AUTS2: variants seen among roughly 807,000 people sequenced by gnomAD.
AUTS2 encodes the protein activator of transcription and developmental regulator AUTS2, also known as autism susceptibility gene 2 protein.
Under a neutral mutation model 112.4 loss-of-function variants are expected in AUTS2, and 17 were observed. The observed-to-expected ratio is 0.15, with a 90% CI of 0.10 to 0.23. AUTS2 has a LOEUF of 0.23. Among genes scored for constraint, AUTS2 ranks in the 10% least tolerant of loss-of-function variants. The pLI, the probability that AUTS2 is intolerant of heterozygous loss-of-function variation, is 1.00. For missense variants in AUTS2, 1,510 were observed against 1,701.6 expected, an observed-to-expected ratio of 0.89 and a Z score of 1.98; for synonymous variants, 751 against 702.7, an observed-to-expected ratio of 1.07 and a Z score of -1.09.
intron 4 of AUTS2, among the ~76,000 whole-genome samples, chr7:70,157,444 T>C (rs1705167534): frequency 6.6e-6 from 1 of 152,070 alleles, no homozygotes; most frequent in South Asian, 2.1e-4. Context: ...CATGCCTGGC[T>C]AATTTTTTAT....
At chr7:70,499,831 A>G (rs1798702086) in intron 5 of AUTS2, among the ~76,000 whole-genome samples, 2 of 152,196 alleles carry the variant, frequency 1.3e-5, no homozygotes. Context: ...CCAGATGTAG[A>G]TAGGAGGTTA....
At chr7:70,375,031 G>C (rs1283342851) in intron 4 of AUTS2, among the ~76,000 whole-genome samples, 1 of 152,246 alleles carries the variant, frequency 6.6e-6, no homozygotes, top group Non-Finnish European at 1.5e-5. Context: ...GATGCTCCCT[G>C]CACCTTTGTT....
intron 4 of AUTS2, among the ~76,000 whole-genome samples, chr7:70,242,055 C>T (rs945960295): frequency 1.3e-5 from 2 of 152,148 alleles, no homozygotes; most frequent in Admixed American, 6.6e-5. Flanking sequence ...AGCACAATTC[C>T]GCAATGGCCT....
chr7:70,743,768 C>T (rs1788266075), intron 6 of AUTS2, among the ~76,000 whole-genome samples: 1 of 152,180 alleles, frequency 6.6e-6, no homozygotes, highest in South Asian at 2.1e-4. Context: ...TCTGCTTCCT[C>T]CCAGCACTGA....
chr7:70,642,802 C>T (rs1314958968), intron 5 of AUTS2, among the ~76,000 whole-genome samples: 1 of 152,182 alleles, frequency 6.6e-6, no homozygotes, highest in Admixed American at 6.5e-5. Flanking sequence ...TGTCAACTCC[C>T]CTTCTCGTGC....
chr7:69,955,691 A>G (rs1331228350), intron 2 of AUTS2, among the ~76,000 whole-genome samples: 1 of 152,054 alleles, frequency 6.6e-6, no homozygotes, highest in African/African-American at 2.4e-5. Context: ...TTGCATGCCA[A>G]CCCAAAGTTT....
rs192087010 is a variant in AUTS2 at position 69,844,866 on chromosome 7, A to G, written c.310-54420A>G. Among the ~76,000 whole-genome samples, 17 of 152,306 alleles carry G rather than the reference A, an allele frequency of 1.1e-4. No individual in the cohort carries two copies. In the East Asian group the frequency reaches 3.1e-3, roughly 28 times the overall value. On this transcript the variant is annotated intron_variant, in intron 1 of 18. Transcript: ENST00000342771. ...TACTACCTAACAGTGTGTTCAGTGC[A>G]CAGTATGGCCTCTCTCAGTCCTATA...
chr7:70,308,183 A>G (rs1789572839), intron 4 of AUTS2, among the ~76,000 whole-genome samples: 1 of 152,238 alleles, frequency 6.6e-6, no homozygotes, highest in Non-Finnish European at 1.5e-5. Flanking sequence ...GATATGGGAC[A>G]ACAACCAGGC....
chr7:70,760,588 G>C (rs1456613917), intron 6 of AUTS2, among the ~76,000 whole-genome samples: 2 of 152,220 alleles, frequency 1.3e-5, no homozygotes, highest in Admixed American at 6.5e-5. Context: ...GAAATTTTGT[G>C]AAGACACATG....
chr7:69,675,503 G>A (rs1184440387), intron 1 of AUTS2, among the ~76,000 whole-genome samples: 10 of 142,092 alleles, frequency 7.0e-5, no homozygotes, highest in Non-Finnish European at 1.5e-4. Flanking sequence ...TTTTGGCTGA[G>A]GGTTTTTTTT....
At chr7:70,568,304 T>G (rs1801789428) in intron 5 of AUTS2, among the ~76,000 whole-genome samples, 1 of 152,196 alleles carries the variant, frequency 6.6e-6, no homozygotes. Context: ...CCTTGAGCAG[T>G]TTCCTTAACC....
At chr7:70,112,480 C>G (rs1407662007) in intron 2 of AUTS2, among the ~76,000 whole-genome samples, 2 of 151,918 alleles carry the variant, frequency 1.3e-5, no homozygotes, top group African/African-American at 4.8e-5. Context: ...ATTTTTTAAC[C>G]TCTGCGTCCT....
At chr7:70,486,320 G>A (rs1277428584) in intron 5 of AUTS2, among the ~76,000 whole-genome samples, 1 of 152,190 alleles carries the variant, frequency 6.6e-6, no homozygotes, top group Non-Finnish European at 1.5e-5. Context: ...GCTGATCTTT[G>A]GTTTCTTCAT....
intron 2 of AUTS2, among the ~76,000 whole-genome samples, chr7:69,977,624 G>T (rs1798114493): frequency 6.6e-6 from 1 of 152,136 alleles, no homozygotes; most frequent in Non-Finnish European, 1.5e-5. Context: ...TTTTATTTCA[G>T]CAGTGTTTTG....
intron 4 of AUTS2, chr7:70,194,968 A>G (rs1290631667): frequency 6.6e-6 from 1 of 152,214 alleles, no homozygotes; most frequent in Non-Finnish European, 1.5e-5. Context: ...AGAAGTACCT[A>G]TAATATTTCT....
intron 5 of AUTS2, among the ~76,000 whole-genome samples, chr7:70,533,436 C>G (rs1800178945): frequency 6.6e-6 from 1 of 152,104 alleles, no homozygotes. Context: ...TAATGGGTGT[C>G]CACATTAAAT....
chr7:69,811,778 A>G (rs1026674066), intron 1 of AUTS2, among the ~76,000 whole-genome samples: 1 of 152,068 alleles, frequency 6.6e-6, no homozygotes, highest in African/African-American at 2.4e-5. Flanking sequence ...TTTTGCTTCT[A>G]TTATAGCTCT....
intron 2 of AUTS2, among the ~76,000 whole-genome samples, chr7:70,033,028 G>C (rs1225989187): frequency 3.3e-5 from 5 of 152,108 alleles, no homozygotes; most frequent in Non-Finnish European, 7.4e-5. Flanking sequence ...AGTTGTCTAG[G>C]GGTGAAACAT....
In AUTS2 at chr7:69,867,324, T is replaced by C. The variant is rs148176521; in HGVS notation, c.310-31962T>C. 2.9e-3 allele frequency among the ~76,000 whole-genome samples: 446 copies of C among 152,292 alleles called. 5 individuals are homozygous for C. The highest frequency in any genetic ancestry group is 0.01 in the African/African-American group (432 of 41,570). On this transcript the variant is annotated intron_variant, in intron 1 of 18. Coordinates refer to ENST00000342771, the MANE Select transcript of AUTS2 (RefSeq NM_015570.4). ...CAAGGGTGGATTTTTAAATTGCCTT[T>C]TTTGCTCACCTACTCAAATTGAGTC...
Sources: allele counts gnomAD v4.1 joint callset (sites outside exome capture counted in the v4.1 genomes callset), GRCh38; gene constraint gnomAD v4.1.1; transcripts MANE v1.5; gene names NCBI Gene and HGNC (gene_info 2026-07-23, HGNC 2026-07-21).